Variants in NDUFA8 observed in about 807,000 individuals in gnomAD.
The protein encoded by NDUFA8 is NADH dehydrogenase [ubiquinone] 1 alpha subcomplex subunit 8.
Under a neutral mutation model 20.9 loss-of-function variants are expected in NDUFA8, and 16 were observed. That is an observed-to-expected ratio of 0.77 (90% CI 0.52 to 1.16). The LOEUF (loss-of-function observed/expected upper bound fraction) is 1.16, where lower values mean the gene tolerates loss of function less well. NDUFA8 is among the 50% of genes most tolerant of loss of function. The pLI, the probability that NDUFA8 is intolerant of heterozygous loss-of-function variation, is 0.00. For missense variants in NDUFA8, 202 were observed against 216.4 expected (o/e 0.93, Z 0.42); for synonymous variants, 70 against 76.1 (o/e 0.92, Z 0.41).
chr9:122,153,564 A>T (rs959035186), intron 1 of NDUFA8, among the ~76,000 whole-genome samples: 30 of 151,584 alleles, frequency 2.0e-4, no homozygotes, highest in Non-Finnish European at 8.8e-5. Flanking sequence ...GTGTAGATAT[A>T]GCCAGCTCAG....
the NDUFA8 span, among the ~76,000 whole-genome samples, chr9:122,132,617 G>A: frequency 6.6e-6 from 1 of 152,146 alleles, no homozygotes; most frequent in Non-Finnish European, 1.5e-5. Context: ...GTGTGACCTG[G>A]GGGAGGGGGA....
downstream of NDUFA8, among the ~76,000 whole-genome samples, chr9:122,139,217 G>A (rs1828786793): frequency 6.6e-6 from 1 of 152,148 alleles, no homozygotes. Context: ...CTGCCAAAAG[G>A]TTTGTTCCTG....
At chr9:122,147,523 T>C (rs1828921226) in intron 3 of NDUFA8, among the ~76,000 whole-genome samples, 1 of 152,184 alleles carries the variant, frequency 6.6e-6, no homozygotes, top group Non-Finnish European at 1.5e-5. Context: ...ACTGACAGTG[T>C]TTCACTAATA....
chr9:122,158,708 T>G (rs1348283639), intron 1 of NDUFA8, among the ~76,000 whole-genome samples: 1 of 149,852 alleles, frequency 6.7e-6, no homozygotes, highest in Non-Finnish European at 1.5e-5. Context: ...TATATATATA[T>G]GGTATATACA....
At chr9:122,132,892 G>C in the NDUFA8 span, 3 of 455,946 alleles carry the variant, frequency 6.6e-6, no homozygotes, top group South Asian at 1.5e-5. Context: ...TGTTCTCCCA[G>C]CTCCACCAGG....
the NDUFA8 span, among the ~76,000 whole-genome samples, chr9:122,138,019 T>C: frequency 1.3e-5 from 2 of 152,200 alleles, no homozygotes; most frequent in African/African-American, 2.4e-5. Context: ...CTAGGATCCT[T>C]GGAAACAACC....
chr9:122,133,444 A>C, the NDUFA8 span, among the ~76,000 whole-genome samples: 1 of 152,192 alleles, frequency 6.6e-6, no homozygotes, highest in Non-Finnish European at 1.5e-5. Flanking sequence ...CAGATGAGGA[A>C]ACTGAGGCCA....
At chr9:122,148,834 T>C (rs536700431) in intron 2 of NDUFA8, among the ~76,000 whole-genome samples, 1 of 152,322 alleles carries the variant, frequency 6.6e-6, no homozygotes, top group South Asian at 2.1e-4. Flanking sequence ...CAAAAATAGA[T>C]ATTAATCCTT....
At chr9:122,141,379 G>A (rs1235857127), downstream of NDUFA8, among the ~76,000 whole-genome samples, 1 of 152,148 alleles carries the variant, frequency 6.6e-6, no homozygotes, top group Non-Finnish European at 1.5e-5. Context: ...TAATAATCCA[G>A]GCAAGGGGAA....
At chr9:122,138,865 T>TTG in the NDUFA8 span, among the ~76,000 whole-genome samples, 181 of 89,434 alleles carry the variant, frequency 2.0e-3, 5 homozygotes, top group African/African-American at 6.7e-3. Flanking sequence ...CAAGAAGAGG[T>TTG]GGGGGGGGGG....
the NDUFA8 span, among the ~76,000 whole-genome samples, chr9:122,135,563 G>A: frequency 5.3e-5 from 8 of 151,910 alleles, no homozygotes; most frequent in Non-Finnish European, 5.9e-5. Context: ...CAAAGAGCCC[G>A]GGTTCTGCAG....
chr9:122,136,112 A>C, the NDUFA8 span, among the ~76,000 whole-genome samples: 3 of 152,282 alleles, frequency 2.0e-5, no homozygotes, highest in South Asian at 6.2e-4. Flanking sequence ...CTCTATTGCA[A>C]CTTATTTACT....
At chr9:122,135,310 T>C in the NDUFA8 span, among the ~76,000 whole-genome samples, 2 of 152,236 alleles carry the variant, frequency 1.3e-5, no homozygotes. Context: ...AGCACTGTTG[T>C]TATTCTCATT....
At chr9:122,135,072 G>A in the NDUFA8 span, among the ~76,000 whole-genome samples, 1 of 152,202 alleles carries the variant, frequency 6.6e-6, no homozygotes. Context: ...ACTCAACAGG[G>A]GGCCCCCGTG....
chr9:122,157,577 A>T (rs59628296), intron 1 of NDUFA8, among the ~76,000 whole-genome samples: 1,861 of 151,764 alleles, frequency 0.012, 38 homozygotes, highest in African/African-American at 0.043. Context: ...CATCAGTTGT[A>T]TGAAGTAGAA....
At chr9:122,155,901 A>G (rs1215316321) in intron 1 of NDUFA8, among the ~76,000 whole-genome samples, 1 of 152,246 alleles carries the variant, frequency 6.6e-6, no homozygotes, top group African/African-American at 2.4e-5. Context: ...GTTGCTGAGC[A>G]TATAAAACAC....
chr9:122,157,979 C>T (rs1355955465), intron 1 of NDUFA8, among the ~76,000 whole-genome samples: 1 of 152,102 alleles, frequency 6.6e-6, no homozygotes, highest in Non-Finnish European at 1.5e-5. Context: ...CGGTGAAACC[C>T]CGTCTCTACT....
chr9:122,144,331 G>A lies in NDUFA8; in HGVS notation c.429C>T (p.His143=). The A allele has an allele frequency of 6.2e-7, 1 of 1,614,196 alleles. No individual in the cohort carries two copies. The change falls in exon 4 of 4, where the codon CAC becomes CAT. Residue 143 remains histidine, a synonymous_variant. Coordinates refer to ENST00000373768, the MANE Select transcript of NDUFA8 (RefSeq NM_014222.3). ...TDRPLPENPY[H]SRPRPDPSPE... is the part of the protein sequence containing the mutation. ...GGCTGGGATCCGGTCTTGGTCTTGAGTGATAGGGATTCTCCGGTAAAGGTC... is the reference window on the plus strand; with the variant it reads ...GGCTGGGATCCGGTCTTGGTCTTGAATGATAGGGATTCTCCGGTAAAGGTC...
intron 1 of NDUFA8, among the ~76,000 whole-genome samples, chr9:122,157,670 C>CGGGGG (rs141828027): frequency 1.4e-5 from 2 of 145,502 alleles, no homozygotes; most frequent in Admixed American, 6.8e-5. Flanking sequence ...GGGGTGGGGG[C>CGGGGG]AGGGGGGTGG....
Sources: gnomAD v4.1 joint callset for allele counts (sites outside exome capture counted in the v4.1 genomes callset) on GRCh38, gnomAD v4.1.1 for gene constraint, MANE v1.5 for transcripts, NCBI Gene and HGNC (gene_info 2026-07-23, HGNC 2026-07-21) for gene names.